The following PHF20 variants were observed in gnomAD, a reference collection of about 807,000 sequenced individuals.
PHF20 encodes glioma-expressed antigen 2.
In PHF20, 23 loss-of-function variants were observed where a neutral mutation model predicts 113.5. The observed-to-expected ratio is 0.20, with a 90% CI of 0.15 to 0.29. PHF20 has a LOEUF of 0.29. Among genes scored for constraint, PHF20 ranks in the 10% least tolerant of loss-of-function variants. PHF20 has a pLI of 1.00. For synonymous variants in PHF20, 434 were observed against 457.3 expected (o/e 0.95, Z 0.65); for missense variants, 943 against 1,219.6 (o/e 0.77, Z 3.38).
intron 1 of PHF20, among the ~76,000 whole-genome samples, chr20:35,799,417 G>A (rs2041734958): frequency 6.6e-6 from 1 of 150,786 alleles, no homozygotes; most frequent in Non-Finnish European, 1.5e-5. Context: ...AGTGAGCTAT[G>A]ATAGCGCCAC....
intron 2 of PHF20, among the ~76,000 whole-genome samples, chr20:35,827,443 T>G (rs934463564): frequency 6.6e-6 from 1 of 152,164 alleles, no homozygotes; most frequent in African/African-American, 2.4e-5. Context: ...GACACCCATG[T>G]GGATGTGGTG....
intron 13 of PHF20, among the ~76,000 whole-genome samples, chr20:35,922,479 A>G (rs538027187): frequency 6.6e-6 from 1 of 152,228 alleles, no homozygotes; most frequent in African/African-American, 2.4e-5. Flanking sequence ...AAGTGCATGT[A>G]TTACTATAGA....
chr20:35,941,245 G>C (rs2055974044), intron 17 of PHF20, among the ~76,000 whole-genome samples, 198 bp downstream of exon 17: 1 of 152,206 alleles, frequency 6.6e-6, no homozygotes, highest in Non-Finnish European at 1.5e-5. Flanking sequence ...TGCAAGATCT[G>C]CATGATGTTG....
intron 2 of PHF20, among the ~76,000 whole-genome samples, chr20:35,821,858 G>A (rs1568611133): frequency 6.6e-6 from 1 of 152,156 alleles, no homozygotes; most frequent in Non-Finnish European, 1.5e-5. Flanking sequence ...ATTTGCTGAC[G>A]ACATGTAAGA....
At chr20:35,840,058 T>C (rs1199968349) in intron 2 of PHF20, among the ~76,000 whole-genome samples, 1 of 152,118 alleles carries the variant, frequency 6.6e-6, no homozygotes, top group Non-Finnish European at 1.5e-5. Context: ...AGCAGGCCTG[T>C]TCATTTAGGT....
At chr20:35,872,682 T>A (rs979594517) in intron 9 of PHF20, among the ~76,000 whole-genome samples, 1 of 152,242 alleles carries the variant, frequency 6.6e-6, no homozygotes, top group Non-Finnish European at 1.5e-5. Flanking sequence ...TTGTTTCAGT[T>A]TGAAGTATTT....
At chr20:35,921,820 C>T (rs1047917850) in intron 13 of PHF20, among the ~76,000 whole-genome samples, 1 of 152,142 alleles carries the variant, frequency 6.6e-6, no homozygotes, top group Admixed American at 6.5e-5. Context: ...CATCCTTGAG[C>T]ATATGCTCAG....
chr20:35,944,156 G>A (rs910368601), intron 17 of PHF20, among the ~76,000 whole-genome samples: 2 of 152,140 alleles, frequency 1.3e-5, no homozygotes, highest in African/African-American at 4.8e-5. Flanking sequence ...AGAGACACTT[G>A]GGATGGTGCA....
At chr20:35,899,720 A>C in intron 10 of PHF20, 72 bp downstream of exon 10, 1 of 1,493,372 alleles carries the variant, frequency 6.7e-7, no homozygotes, top group Non-Finnish European at 9.2e-7. Flanking sequence ...GTTTTCTGAC[A>C]CACAAAGCAG....
intron 13 of PHF20, among the ~76,000 whole-genome samples, chr20:35,923,809 A>G (rs760213722): frequency 5.9e-5 from 9 of 152,166 alleles, no homozygotes; most frequent in Non-Finnish European, 2.9e-5. Flanking sequence ...TGGAGTACAG[A>G]GGCACAATCA....
chr20:35,801,379 T>G, intron 1 of PHF20, 112 bp from the exon 2 acceptor site: 1 of 574,308 alleles, frequency 1.7e-6, no homozygotes, highest in Non-Finnish European at 3.1e-6. Flanking sequence ...CCAACAGGGT[T>G]TCATGGAGCT....
intron 6 of PHF20, 95 bp downstream of exon 6, chr20:35,863,495 A>G (rs1367251036): frequency 7.9e-7 from 1 of 1,259,210 alleles, no homozygotes; most frequent in Non-Finnish European, 1.1e-6. Flanking sequence ...TCAATCGTTT[A>G]TTTTTGTGAC....
chr20:35,806,966 T>G (rs1569129227), intron 2 of PHF20, among the ~76,000 whole-genome samples: 1 of 151,946 alleles, frequency 6.6e-6, no homozygotes, highest in Non-Finnish European at 1.5e-5. Context: ...CGGCTAATTT[T>G]TTGTATTTTT....
At chr20:35,831,161 T>C (rs2425157) in intron 2 of PHF20, among the ~76,000 whole-genome samples, 27,089 of 144,672 alleles carry the variant, frequency 0.19, 3,005 homozygotes, top group South Asian at 0.36. Flanking sequence ...CCCTCCCTCC[T>C]TTCCTTCTCA....
chr20:35,917,679 G>C lies in PHF20; in HGVS notation c.2004+17G>C. On this transcript the variant is annotated intron_variant, in intron 13 of 17. Transcript: ENST00000374012. Reference sequence around the variant, plus strand: ...ATGATTCAGGTAGGCAGAGCTTCCAGGAAACAGGTCTAGAGAAGCACAAAC... The same window carrying C: ...ATGATTCAGGTAGGCAGAGCTTCCACGAAACAGGTCTAGAGAAGCACAAAC... 6.2e-7 allele frequency: 1 copy of C among 1,608,156 alleles called. No individual in the cohort carries two copies. The highest frequency in any genetic ancestry group is 8.5e-7 in the Non-Finnish European group (1 of 1,176,990).
chr20:35,875,237 A>C (rs2054498158), intron 9 of PHF20, among the ~76,000 whole-genome samples: 1 of 152,026 alleles, frequency 6.6e-6, no homozygotes, highest in Admixed American at 6.6e-5. Flanking sequence ...GTCTCTACTA[A>C]AAATACAAAA....
chr20:35,860,473 C>T (rs1460441496), intron 5 of PHF20, among the ~76,000 whole-genome samples: 2 of 152,084 alleles, frequency 1.3e-5, no homozygotes, highest in African/African-American at 4.8e-5. Flanking sequence ...AAGTCCTGAC[C>T]TCGGGTGATC....
At chr20:35,904,582 A>C (rs2055163824) in intron 10 of PHF20, among the ~76,000 whole-genome samples, 1 of 151,950 alleles carries the variant, frequency 6.6e-6, no homozygotes, top group Non-Finnish European at 1.5e-5. Flanking sequence ...CTTCCAGCAA[A>C]ACCACTGGGA....
chr20:35,801,456 C>T, intron 1 of PHF20, 35 bp from the exon 2 acceptor site: 1 of 1,152,970 alleles, frequency 8.7e-7, no homozygotes, highest in Non-Finnish European at 1.3e-6. Context: ...GTGGACTTTG[C>T]CTAAGTTTCA....
Sources: allele counts gnomAD v4.1 joint callset (sites outside exome capture counted in the v4.1 genomes callset), GRCh38; gene constraint gnomAD v4.1.1; transcripts MANE v1.5; gene names NCBI Gene and HGNC (gene_info 2026-07-23, HGNC 2026-07-21).